CNTNAP2: variants seen among roughly 807,000 people sequenced by gnomAD.
CNTNAP2 encodes the protein contactin-associated protein-like 2.
In CNTNAP2, 98 loss-of-function variants were observed where a neutral mutation model predicts 155.2. The observed-to-expected ratio is 0.63, with a 90% CI of 0.54 to 0.75. The LOEUF (loss-of-function observed/expected upper bound fraction) is 0.75, where lower values mean the gene tolerates loss of function less well. Among genes scored for constraint, CNTNAP2 ranks in the 30% least tolerant of loss-of-function variants. The probability of loss-of-function intolerance (pLI) is 0.00; values close to 1 mark genes in which losing one functional copy is unlikely to be tolerated. For missense variants in CNTNAP2, 1,727 were observed against 1,688.1 expected, an observed-to-expected ratio of 1.02 and a Z score of -0.40; for synonymous variants, 651 against 631.2, an observed-to-expected ratio of 1.03 and a Z score of -0.47.
chr7:147,321,583 C>T (rs1360528068), intron 9 of CNTNAP2, among the ~76,000 whole-genome samples: 2 of 152,192 alleles, frequency 1.3e-5, no homozygotes, highest in African/African-American at 4.8e-5. Flanking sequence ...TCTAGACTAA[C>T]TTCATCTCTC....
intron 3 of CNTNAP2, among the ~76,000 whole-genome samples, chr7:146,917,438 A>G (rs1175319840): frequency 6.6e-6 from 1 of 152,104 alleles, no homozygotes; most frequent in Non-Finnish European, 1.5e-5. Flanking sequence ...GTTGCTGTCA[A>G]TCTCATTTCT....
At chr7:147,579,982 C>A (rs1365083731) in intron 12 of CNTNAP2, among the ~76,000 whole-genome samples, 2 of 152,028 alleles carry the variant, frequency 1.3e-5, no homozygotes, top group African/African-American at 4.8e-5. Flanking sequence ...AAATTGAATA[C>A]CTTATCTAAA....
At chr7:146,245,511 T>C (rs1799632271) in intron 1 of CNTNAP2, among the ~76,000 whole-genome samples, 1 of 152,026 alleles carries the variant, frequency 6.6e-6, no homozygotes, top group South Asian at 2.1e-4. Flanking sequence ...TAAGATCCAG[T>C]TGTTTGCGCA....
intron 13 of CNTNAP2, among the ~76,000 whole-genome samples, chr7:147,771,101 A>T (rs765755158): frequency 4.6e-5 from 7 of 152,218 alleles, no homozygotes; most frequent in Non-Finnish European, 8.8e-5. Context: ...TAGCTACAGT[A>T]AAAATAACTA....
Position 146,463,724 on chromosome 7 carries a change from GTATA to G in CNTNAP2, c.98-310540_98-310537del, listed in dbSNP as rs764002939. Among the ~76,000 whole-genome samples the G allele has an allele frequency of 2.6e-5, 4 of 151,702 alleles. No homozygotes were observed. The South Asian group carries it at 6.2e-4, about 24-fold the overall frequency. On this transcript the variant is annotated intron_variant, in intron 1 of 23. Coordinates refer to ENST00000361727, the MANE Select transcript of CNTNAP2 (RefSeq NM_014141.6). ...GATATATACATATGTGTATATGTGT[GTATA>G]TATATAGAGTAACTTAAAATATTTT... is the stretch of plus-strand genomic sequence containing the variant.
intron 13 of CNTNAP2, among the ~76,000 whole-genome samples, chr7:147,850,349 A>T (rs1374590613): frequency 6.6e-6 from 1 of 152,214 alleles, no homozygotes; most frequent in African/African-American, 2.4e-5. Context: ...GCCCAAGGTA[A>T]CTTATAGATT....
intron 6 of CNTNAP2, among the ~76,000 whole-genome samples, chr7:147,124,308 T>C (rs543210986): frequency 1.3e-5 from 2 of 152,264 alleles, no homozygotes; most frequent in East Asian, 3.9e-4. Flanking sequence ...TTCCCCAAGA[T>C]TATACTGCCT....
chr7:147,381,780 A>G (rs1796541440), intron 9 of CNTNAP2, among the ~76,000 whole-genome samples: 2 of 152,114 alleles, frequency 1.3e-5, no homozygotes, highest in Non-Finnish European at 2.9e-5. Context: ...ACTCAAAAAT[A>G]TCACTATCTT....
At chr7:146,217,395 T>A (rs1799131154) in intron 1 of CNTNAP2, among the ~76,000 whole-genome samples, 1 of 152,168 alleles carries the variant, frequency 6.6e-6, no homozygotes, top group Non-Finnish European at 1.5e-5. Context: ...AGGATCGGGG[T>A]ACACATGCAG....
Position 146,839,814 on chromosome 7 carries a change from T to A in CNTNAP2, c.312T>A (p.Tyr104Ter). The change falls in exon 3 of 24, where the codon TAT becomes TAA. Residue 104 changes from tyrosine to a stop codon, truncating the protein, a stop_gained. Transcript: ENST00000361727. LOFTEE classifies it high-confidence loss of function. ...GTGCCATTGCAACCCAAGGAAGGTA[T>A]AGCAGCTCAGATTGGGTGACCCAAT... is the stretch of plus-strand genomic sequence containing the variant. ...QISAIATQGR[Y>*]SSSDWVTQYR... 1.2e-6 allele frequency: 2 copies of A among 1,614,124 alleles called. No individual in the cohort carries two copies. Among genetic ancestry groups the A allele is most frequent in the Non-Finnish European group, 1.7e-6 (2 of 1,180,020 alleles).
At chr7:146,931,907 T>A (rs1796768031) in intron 3 of CNTNAP2, among the ~76,000 whole-genome samples, 1 of 152,136 alleles carries the variant, frequency 6.6e-6, no homozygotes, top group South Asian at 2.1e-4. Flanking sequence ...AATCTCCGAA[T>A]AGACCAATAA....
intron 11 of CNTNAP2, among the ~76,000 whole-genome samples, chr7:147,533,796 T>C (rs1436246636): frequency 6.6e-6 from 1 of 152,072 alleles, no homozygotes; most frequent in Non-Finnish European, 1.5e-5. Context: ...GTTTTAACTA[T>C]ACTCACAATC....
chr7:147,381,011 C>G (rs1036121444), intron 9 of CNTNAP2, among the ~76,000 whole-genome samples: 1 of 151,484 alleles, frequency 6.6e-6, no homozygotes, highest in African/African-American at 2.4e-5. Context: ...GAGTGAAAAA[C>G]GAATCTCTCA....
intron 13 of CNTNAP2, among the ~76,000 whole-genome samples, chr7:147,841,800 G>A (rs1191631182): frequency 1.3e-5 from 2 of 152,134 alleles, no homozygotes; most frequent in African/African-American, 2.4e-5. Flanking sequence ...ATTTTTATGT[G>A]TTGATCAATT....
chr7:148,172,727 C>T (rs139039223), intron 18 of CNTNAP2, among the ~76,000 whole-genome samples: 24 of 152,154 alleles, frequency 1.6e-4, no homozygotes, highest in African/African-American at 5.5e-4. Flanking sequence ...ATTCACTGCC[C>T]GAAACACTAC....
At chr7:146,711,004 T>TAACCTGGAACCTCCTTGCTC (rs2129175055) in intron 1 of CNTNAP2, among the ~76,000 whole-genome samples, 1 of 151,940 alleles carries the variant, frequency 6.6e-6, no homozygotes, top group South Asian at 2.1e-4. Context: ...ATCCTTCACT[T>TAACCTGGAACCTCCTTGCTC]AACCTGGAAC....
intron 14 of CNTNAP2, among the ~76,000 whole-genome samples, chr7:147,943,946 G>T (rs868766141): frequency 4.0e-5 from 6 of 151,892 alleles, no homozygotes; most frequent in African/African-American, 4.8e-5. Flanking sequence ...TAAGTGGAAG[G>T]TACTCTAGCT....
chr7:146,808,832 TA>T (rs1180795643), intron 2 of CNTNAP2, among the ~76,000 whole-genome samples: 1 of 152,210 alleles, frequency 6.6e-6, no homozygotes, highest in Non-Finnish European at 1.5e-5. Flanking sequence ...CTTATATTCA[TA>T]AAATGTCCCT....
intron 13 of CNTNAP2, among the ~76,000 whole-genome samples, chr7:147,753,021 A>T (rs1201438249): frequency 1.3e-5 from 2 of 152,168 alleles, no homozygotes; most frequent in African/African-American, 4.8e-5. Flanking sequence ...TTACTGAAAA[A>T]AGCTGATCCT....
Sources: gnomAD v4.1 joint callset for allele counts (sites outside exome capture counted in the v4.1 genomes callset) on GRCh38, gnomAD v4.1.1 for gene constraint, MANE v1.5 for transcripts, NCBI Gene and HGNC (gene_info 2026-07-23, HGNC 2026-07-21) for gene names.